PRAME: variants seen among roughly 807,000 people sequenced by gnomAD.
PRAME encodes melanoma antigen preferentially expressed in tumors.
In PRAME, 21 loss-of-function variants were observed where a neutral mutation model predicts 32.1. The observed-to-expected ratio is 0.65, with a 90% CI of 0.46 to 0.94. The LOEUF is 0.94. Among genes scored for constraint, PRAME ranks in the 40% least tolerant of loss-of-function variants. PRAME has a pLI of 0.00. For missense variants in PRAME, 651 were observed against 622.3 expected (o/e 1.05, Z -0.49); for synonymous variants, 274 against 251.5 (o/e 1.09, Z -0.85).
chr22:22,557,165 G>C, intron 2 of PRAME: 1 of 408,284 alleles, frequency 2.4e-6, no homozygotes, highest in Non-Finnish European at 4.5e-6. Flanking sequence ...CCTGACTACG[G>C]TCTTGCAGCG....
rs1165062594 is a variant in PRAME, at chr22:22,549,715, C to G, written c.953+11G>C. The G allele has an allele frequency of 1.0e-5, 16 of 1,576,490 alleles. No homozygotes were observed. Among genetic ancestry groups the G allele is most frequent in the Non-Finnish European group, 1.4e-5 (16 of 1,166,322 alleles). Reference sequence around the variant, plus strand: ...TGCTCTGGTCTGCAGAGAAATCTCACCATCCCTCACCTGAGCAACTGATCC... The same window carrying G: ...TGCTCTGGTCTGCAGAGAAATCTCAGCATCCCTCACCTGAGCAACTGATCC... On this transcript the variant is annotated intron_variant, in intron 5 of 5. Coordinates refer to ENST00000405655, the MANE Select transcript of PRAME (RefSeq NM_206956.3).
chr22:22,556,856 C>T lies in PRAME; in HGVS notation c.-24G>A. ...ATTTTGAAGCGACTTAGGCTGGCCT[C>T]AGGACCTCCAACGCTTGGATTTCTA... On this transcript the variant is annotated 5_prime_UTR_variant, in exon 3 of 6. Transcript: ENST00000405655. 6.2e-7 allele frequency: 1 copy of T among 1,612,826 alleles called. No homozygotes were observed.
chr22:22,555,987 A>G (rs1433425308), intron 3 of PRAME: 2 of 388,342 alleles, frequency 5.2e-6, no homozygotes, highest in Non-Finnish European at 1.0e-5. Context: ...TCCACAATGC[A>G]TTAAGATTTT....
intron 3 of PRAME, chr22:22,554,305 A>T: frequency 1.1e-6 from 1 of 944,516 alleles, no homozygotes; most frequent in Non-Finnish European, 1.3e-6. Flanking sequence ...TTGCGGCCTG[A>T]CTTTGTTTAC....
At position 22,548,201 on chromosome 22, in the gene PRAME, T is replaced by C. The variant is rs2062353609; in HGVS notation, c.1396A>G (p.Arg466Gly). The C allele has an allele frequency of 6.2e-7, 1 of 1,613,810 alleles. No individual in the cohort carries two copies. The highest frequency in any genetic ancestry group is 1.3e-5 in the African/African-American group (1 of 74,976). ...AACTCACACAGCAACTCCCTGAGCCTGGCATGCAGATAGGCAAGCCTCTCC... is the reference window on the plus strand; with the variant it reads ...AACTCACACAGCAACTCCCTGAGCCCGGCATGCAGATAGGCAAGCCTCTCC... Reference protein sequence around the residue: ...HLERLAYLHARLRELLCELGR... With the variant: ...HLERLAYLHAGLRELLCELGR... The change falls in exon 6 of 6, where the codon AGG becomes GGG. Residue 466 changes from arginine to glycine, a missense_variant. By Grantham distance (125) the Arg-to-Gly change is moderately radical (BLOSUM62 -2). Coordinates refer to ENST00000405655, the MANE Select transcript of PRAME (RefSeq NM_206956.3).
rs942834225 is a variant in PRAME at position 22,549,841 on chromosome 22, T to C, written c.838A>G (p.Lys280Glu). 19 of 1,613,550 alleles carry C rather than the reference T, an allele frequency of 1.2e-5. No homozygotes were observed. The highest frequency in any genetic ancestry group is 1.6e-5 in the Non-Finnish European group (19 of 1,179,944). Reference sequence around the variant, plus strand: ...AACTGGGCGATATACTGCTCTTCCTTCTCCGGGGAAATGTAGGAAGATGCA... The same window carrying C: ...AACTGGGCGATATACTGCTCTTCCTCCTCCGGGGAAATGTAGGAAGATGCA... ...IHASSYISPEKEEQYIAQFTS... is the reference protein window; with the variant it reads ...IHASSYISPEEEEQYIAQFTS... Residue 280 changes from lysine (K) to glutamate (E), a missense_variant, in exon 5 of 6, where the codon AAG (lysine) becomes GAG (glutamate). By Grantham distance (56) the Lys-to-Glu change is moderately conservative. Coordinates refer to ENST00000405655, the MANE Select transcript of PRAME (RefSeq NM_206956.3).
chr22:22,547,913 T>G lies in PRAME; in HGVS notation c.*154A>C, dbSNP rs900612875. ...TTCCCCTTTTTTTCCTCACTGAACATTTGTCTGAATGTTTTTTCCTCACTG... is the reference window on the plus strand; with the variant it reads ...TTCCCCTTTTTTTCCTCACTGAACAGTTGTCTGAATGTTTTTTCCTCACTG... On this transcript the variant is annotated 3_prime_UTR_variant, in exon 6 of 6. Coordinates refer to ENST00000405655, the MANE Select transcript of PRAME (RefSeq NM_206956.3). The G allele has an allele frequency of 1.7e-5, 15 of 859,344 alleles. No homozygotes were observed. Among genetic ancestry groups the G allele is most frequent in the Non-Finnish European group, 2.4e-5 (13 of 551,870 alleles). 53.2% of individuals were successfully genotyped at this position (859,344 alleles called of 1,614,324 possible).
chr22:22,556,312 G>A (rs943691699), intron 3 of PRAME, among the ~76,000 whole-genome samples: 6 of 151,426 alleles, frequency 4.0e-5, no homozygotes, highest in Admixed American at 1.3e-4. Context: ...CCTGGCCTAG[G>A]GTTAATTTTT....
At chr22:22,551,474 C>G (rs1232684782) in intron 3 of PRAME, among the ~76,000 whole-genome samples, 1 of 151,858 alleles carries the variant, frequency 6.6e-6, no homozygotes, top group East Asian at 2.0e-4. Flanking sequence ...GTCACATAGC[C>G]CAGGACAGCA....
chr22:22,556,933 C>T, intron 2 of PRAME, 24 bp from the exon 3 acceptor site: 1 of 1,440,648 alleles, frequency 6.9e-7, no homozygotes, highest in South Asian at 1.1e-5. Flanking sequence ...TCAAAATGCT[C>T]CAAAAAGAAG....
chr22:22,553,545 A>G (rs2062726052), intron 3 of PRAME, among the ~76,000 whole-genome samples: 1 of 151,886 alleles, frequency 6.6e-6, no homozygotes, highest in African/African-American at 2.4e-5. Flanking sequence ...AAGCCAAGGT[A>G]ATCACTGAGG....
chr22:22,556,382 C>T (rs8139480), intron 3 of PRAME, among the ~76,000 whole-genome samples: 59,445 of 151,178 alleles, frequency 0.39, 13,250 homozygotes, highest in South Asian at 0.5. Context: ...ATGATCTTGG[C>T]TTACTGCAAC....
At chr22:22,552,186 G>A (rs1273521371) in intron 3 of PRAME, among the ~76,000 whole-genome samples, 1 of 144,090 alleles carries the variant, frequency 6.9e-6, no homozygotes, top group Non-Finnish European at 1.5e-5. Context: ...AAAAGAAAAA[G>A]AAAAAAATCT....
intron 3 of PRAME, among the ~76,000 whole-genome samples, chr22:22,551,722 G>A (rs2062587516): frequency 6.6e-6 from 1 of 151,786 alleles, no homozygotes; most frequent in African/African-American, 2.4e-5. Context: ...AATCAGCGGA[G>A]CAAACACTTC....
At chr22:22,557,503 G>A (rs985149372) in intron 2 of PRAME, 42 bp downstream of exon 2, 1 of 153,312 alleles carries the variant, frequency 6.5e-6, no homozygotes, top group Non-Finnish European at 1.4e-5. Context: ...CAAGCCCAAG[G>A]TCACCCTGCG....
intron 5 of PRAME, 96 bp downstream of exon 5, chr22:22,549,630 A>G (rs1569215298): frequency 6.9e-7 from 1 of 1,449,694 alleles, no homozygotes; most frequent in Non-Finnish European, 9.1e-7. Context: ...TCACTCTTGC[A>G]TTATTGGTGG....
At chr22:22,553,946 T>A (rs1231810393) in intron 3 of PRAME, 3 of 985,070 alleles carry the variant, frequency 3.0e-6, no homozygotes, top group Non-Finnish European at 3.6e-6. Context: ...ATTACTAATG[T>A]TTCCACACTT....
intron 5 of PRAME, among the ~76,000 whole-genome samples, 195 bp from the exon 6 acceptor site, chr22:22,548,838 C>G (rs1279137791): frequency 6.6e-6 from 1 of 151,732 alleles, no homozygotes; most frequent in East Asian, 2.0e-4. Context: ...GTAAGTGGGT[C>G]AAGTAAACAA....
At position 22,547,809 on chromosome 22, in the gene PRAME, ATTCTAT is replaced by A. The variant is rs1187599175; in HGVS notation, c.*252_*257del. On this transcript the variant is annotated 3_prime_UTR_variant, in exon 6 of 6. Transcript: ENST00000405655. ...CCAGAATCTCCCTTTAGAAATTCAG[ATTCTAT>A]TTCTAACTCTATAAGATGTATCTCC... The A allele has an allele frequency of 7.8e-6, 4 of 515,872 alleles. No individual in the cohort carries two copies. Among genetic ancestry groups the A allele is most frequent in the African/African-American group, 1.9e-5 (1 of 52,070 alleles). 32.0% of individuals were successfully genotyped at this position (515,872 alleles called of 1,614,324 possible).
Sources: allele counts gnomAD v4.1 joint callset (sites outside exome capture counted in the v4.1 genomes callset), GRCh38; gene constraint gnomAD v4.1.1; transcripts MANE v1.5; gene names NCBI Gene and HGNC (gene_info 2026-07-23, HGNC 2026-07-21).